Variants in SLC2A13 observed in about 807,000 individuals in gnomAD.
The protein encoded by SLC2A13 is proton myo-inositol cotransporter.
SLC2A13 carries 32 observed loss-of-function variants against 64.4 expected under a neutral mutation model. The observed-to-expected ratio is 0.50, with a 90% CI of 0.37 to 0.67. The LOEUF (loss-of-function observed/expected upper bound fraction) is 0.67. Among genes scored for constraint, SLC2A13 ranks in the 30% least tolerant of loss-of-function variants. The pLI is 0.00. For synonymous variants in SLC2A13, 338 were observed against 327.1 expected (o/e 1.03, Z -0.36); for missense variants, 743 against 829.2 (o/e 0.90, Z 1.28).
chr12:39,927,414 A>G (rs1945748452), intron 4 of SLC2A13, among the ~76,000 whole-genome samples: 4 of 152,116 alleles, frequency 2.6e-5, no homozygotes. Context: ...GTCAAAGCAT[A>G]CTCTTGAGTT....
intron 4 of SLC2A13, among the ~76,000 whole-genome samples, chr12:39,876,613 T>C (rs979580793): frequency 2.6e-5 from 4 of 152,282 alleles, no homozygotes; most frequent in Non-Finnish European, 5.9e-5. Flanking sequence ...AAGATAATTA[T>C]ATGAAAACCT....
chr12:40,049,869 A>C (rs1455415352), intron 1 of SLC2A13, among the ~76,000 whole-genome samples: 3 of 152,176 alleles, frequency 2.0e-5, no homozygotes, highest in East Asian at 3.8e-4. Context: ...AAGTCAAACC[A>C]TTAAGTCTCA....
At chr12:40,000,400 T>C (rs1947303846) in intron 3 of SLC2A13, among the ~76,000 whole-genome samples, 2 of 152,306 alleles carry the variant, frequency 1.3e-5, no homozygotes, top group African/African-American at 2.4e-5. Context: ...TGAAACTCAA[T>C]TTACATTAAG....
intron 3 of SLC2A13, among the ~76,000 whole-genome samples, chr12:39,995,132 G>A (rs148013503): frequency 3.4e-4 from 52 of 152,120 alleles, no homozygotes; most frequent in African/African-American, 1.2e-3. Context: ...CGTTGTGCAG[G>A]TCTCTTTTTT....
chr12:40,093,503 TC>T (rs1938833700), intron 1 of SLC2A13, among the ~76,000 whole-genome samples: 1 of 152,070 alleles, frequency 6.6e-6, no homozygotes, highest in Non-Finnish European at 1.5e-5. Context: ...GAGAAAACAA[TC>T]AGTAAGTAAC....
At chr12:40,067,397 G>A (rs1339492973) in intron 1 of SLC2A13, among the ~76,000 whole-genome samples, 1 of 151,866 alleles carries the variant, frequency 6.6e-6, no homozygotes, top group African/African-American at 2.4e-5. Flanking sequence ...TGGTAGAAAT[G>A]GGGTCTCACT....
At chr12:39,814,883 C>G (rs1942297567) in intron 7 of SLC2A13, among the ~76,000 whole-genome samples, 1 of 151,856 alleles carries the variant, frequency 6.6e-6, no homozygotes, top group South Asian at 2.1e-4. Flanking sequence ...GCTTTATCCT[C>G]TTAGATAAGG....
intron 7 of SLC2A13, among the ~76,000 whole-genome samples, chr12:39,826,194 T>C (rs1566834342): frequency 1.3e-5 from 2 of 152,054 alleles, no homozygotes; most frequent in Non-Finnish European, 2.9e-5. Flanking sequence ...CATTCTCTAC[T>C]TTAGGTTCTG....
chr12:39,959,402 AG>A (rs1946371088), intron 3 of SLC2A13, among the ~76,000 whole-genome samples: 2 of 152,240 alleles, frequency 1.3e-5, no homozygotes, highest in Admixed American at 1.3e-4. Flanking sequence ...AGTTGTCTAT[AG>A]ATGCGTGCTT....
At chr12:40,093,613 G>C (rs1189526364) in intron 1 of SLC2A13, among the ~76,000 whole-genome samples, 5 of 152,180 alleles carry the variant, frequency 3.3e-5, no homozygotes, top group Non-Finnish European at 2.9e-5. Context: ...GAATGATCAA[G>C]GAAGACCCCG....
At chr12:39,869,477 A>G (rs1029779317) in intron 5 of SLC2A13, among the ~76,000 whole-genome samples, 1 of 152,174 alleles carries the variant, frequency 6.6e-6, no homozygotes, top group Non-Finnish European at 1.5e-5. Context: ...GCCACATAAT[A>G]AGGAAATCAA....
At chr12:39,899,934 G>C (rs933807977) in intron 4 of SLC2A13, among the ~76,000 whole-genome samples, 2 of 151,836 alleles carry the variant, frequency 1.3e-5, no homozygotes, top group African/African-American at 4.8e-5. Context: ...GTGTGGGGTG[G>C]TGCTGAAAAA....
At chr12:40,016,467 A>C (rs1947623897) in intron 3 of SLC2A13, among the ~76,000 whole-genome samples, 1 of 152,200 alleles carries the variant, frequency 6.6e-6, no homozygotes, top group Non-Finnish European at 1.5e-5. Flanking sequence ...AAACAAAACA[A>C]ACACCAAATT....
At chr12:39,862,289 G>A (rs1943784252) in intron 6 of SLC2A13, among the ~76,000 whole-genome samples, 1 of 152,168 alleles carries the variant, frequency 6.6e-6, no homozygotes, top group East Asian at 1.9e-4. Context: ...GGCCTGGTAT[G>A]CAACCAATAT....
chr12:39,858,683 T>A (rs553031699), intron 6 of SLC2A13, among the ~76,000 whole-genome samples: 2 of 152,208 alleles, frequency 1.3e-5, no homozygotes, highest in Non-Finnish European at 2.9e-5. Flanking sequence ...CTCGGCTCAC[T>A]GCAACCTCCG....
chr12:39,988,629 G>A (rs1027087827), intron 3 of SLC2A13, among the ~76,000 whole-genome samples: 1 of 139,388 alleles, frequency 7.2e-6, no homozygotes, highest in Non-Finnish European at 1.6e-5. Context: ...GGGGAAGGAG[G>A]AGGAGGGGGA....
At chr12:39,886,775 T>C (rs888087138) in intron 4 of SLC2A13, among the ~76,000 whole-genome samples, 2 of 152,198 alleles carry the variant, frequency 1.3e-5, no homozygotes, top group African/African-American at 4.8e-5. Context: ...TAACGGCTAA[T>C]GGTCATTGAG....
intron 7 of SLC2A13, among the ~76,000 whole-genome samples, chr12:39,812,831 T>C (rs1445299795): frequency 5.4e-5 from 8 of 147,558 alleles, no homozygotes; most frequent in East Asian, 2.0e-4. Flanking sequence ...GTTTGTAGTA[T>C]TACCTTTTTT....
Position 39,808,633 on chromosome 12 carries a change from G to T in SLC2A13, c.1445+21470C>A, listed in dbSNP as rs145358594. On this transcript the variant is annotated intron_variant, in intron 7 of 9. Transcript: ENST00000280871. ...TCATTTTAGCTATTCTAGTTGGTGT[G>T]CTGTAGCATGTCACTATAATTTTTT... Among the ~76,000 whole-genome samples, 24 of 152,192 alleles carry T rather than the reference G, an allele frequency of 1.6e-4. No individual in the cohort carries two copies. In the East Asian group the frequency reaches 4.2e-3, roughly 27 times the overall value.
Sources: gnomAD v4.1 joint callset for allele counts (sites outside exome capture counted in the v4.1 genomes callset) on GRCh38, gnomAD v4.1.1 for gene constraint, MANE v1.5 for transcripts, NCBI Gene and HGNC (gene_info 2026-07-23, HGNC 2026-07-21) for gene names.